Variants in TRA2B observed in about 807,000 individuals in gnomAD.
TRA2B encodes transformer-2 protein homolog beta.
TRA2B carries 14 observed loss-of-function variants against 41.7 expected under a neutral mutation model. The ratio of observed to expected loss-of-function variants is 0.34; its 90% CI spans 0.22 to 0.53. The LOEUF is 0.53. Among genes scored for constraint, TRA2B ranks in the 20% least tolerant of loss-of-function variants. The pLI is 0.95. For synonymous variants in TRA2B, 130 were observed against 128.8 expected, an observed-to-expected ratio of 1.01 and a Z score of -0.06; for missense variants, 167 against 396.8, an observed-to-expected ratio of 0.42 and a Z score of 4.92.
In TRA2B at chr3:185,937,916, G is replaced by T; in HGVS notation, c.-56C>A. The T allele has an allele frequency of 6.2e-7, 1 of 1,608,678 alleles. No homozygotes were observed. On this transcript the variant is annotated 5_prime_UTR_variant, in exon 1 of 9. Transcript: ENST00000453386. Reference sequence around the variant, plus strand: ...CTTCAATCGAAGCTGCCAACCTCTTGCACCTTCCTTAAGGAGGCTCCGCCG... The same window carrying T: ...CTTCAATCGAAGCTGCCAACCTCTTTCACCTTCCTTAAGGAGGCTCCGCCG...
intron 7 of TRA2B, among the ~76,000 whole-genome samples, chr3:185,919,163 CATA>C (rs1297974440): frequency 1.1e-4 from 16 of 143,904 alleles, no homozygotes; most frequent in Admixed American, 8.3e-4. Flanking sequence ...AATACAAGAA[CATA>C]ATGACAAAAA....
At chr3:185,930,286 TCA>T (rs1250827794) in intron 1 of TRA2B, among the ~76,000 whole-genome samples, 4 of 152,202 alleles carry the variant, frequency 2.6e-5, no homozygotes, top group Non-Finnish European at 5.9e-5. Context: ...CACATTTACC[TCA>T]GTTTCCTGCC....
chr3:185,915,566 T>A lies in TRA2B; in HGVS notation c.*2149A>T, dbSNP rs1021298689. On this transcript the variant is annotated 3_prime_UTR_variant, in exon 9 of 9. Coordinates refer to ENST00000453386, the MANE Select transcript of TRA2B (RefSeq NM_004593.3). ...TTGTCTCACTACTTCTCAGTCTATC[T>A]CAACTTGGTAAAATTCCAAATTTTC... 3.3e-5 allele frequency among the ~76,000 whole-genome samples: 5 copies of A among 152,312 alleles called. 1 individual carries two copies. The South Asian group carries it at 1.0e-3, about 32-fold the overall frequency.
At chr3:185,935,347 G>A (rs1744307224) in intron 1 of TRA2B, 2 of 985,106 alleles carry the variant, frequency 2.0e-6, no homozygotes, top group Non-Finnish European at 2.4e-6. Context: ...CTTTGAGAGG[G>A]GGGAAAAAAT....
At chr3:185,936,517 C>A in intron 1 of TRA2B, 2 of 985,410 alleles carry the variant, frequency 2.0e-6, no homozygotes, top group Non-Finnish European at 2.4e-6. Context: ...AGGAAACTCA[C>A]GCTTCATCAC....
intron 1 of TRA2B, chr3:185,937,144 A>G: frequency 1.0e-6 from 1 of 985,508 alleles, no homozygotes; most frequent in South Asian, 4.7e-5. Context: ...TCGGCATCAG[A>G]GAAAAGCGCT....
In TRA2B at chr3:185,915,257, A is replaced by G. The variant is rs1429487663; in HGVS notation, c.*2458T>C. Among the ~76,000 whole-genome samples the G allele has an allele frequency of 2.0e-5, 3 of 152,242 alleles. No individual in the cohort carries two copies. The highest frequency in any genetic ancestry group is 1.9e-4 in the East Asian group (1 of 5,198). On this transcript the variant is annotated 3_prime_UTR_variant, in exon 9 of 9. Coordinates refer to ENST00000453386, the MANE Select transcript of TRA2B (RefSeq NM_004593.3). ...GAGAAGTTTCACAAAAGCCTAGTAT[A>G]AAACTATTTAACTTAGCAATCTTCC...
At chr3:185,929,624 C>A (rs867376756) in intron 1 of TRA2B, among the ~76,000 whole-genome samples, 3 of 152,172 alleles carry the variant, frequency 2.0e-5, no homozygotes, top group Admixed American at 6.5e-5. Flanking sequence ...ACACACTTAG[C>A]CTTCCAACAA....
intron 4 of TRA2B, 89 bp from the exon 5 acceptor site, chr3:185,922,215 A>G (rs1743769083): frequency 1.2e-6 from 1 of 834,576 alleles, no homozygotes; most frequent in African/African-American, 1.7e-5. Flanking sequence ...TGGACATTTC[A>G]GTTAGGTGCA....
chr3:185,921,794 A>G (rs1310918429), intron 5 of TRA2B, among the ~76,000 whole-genome samples: 2 of 152,078 alleles, frequency 1.3e-5, no homozygotes, highest in Non-Finnish European at 2.9e-5. Flanking sequence ...CCAAACAACA[A>G]CAAACAAAAA....
chr3:185,919,405 T>C (rs759867646), intron 7 of TRA2B, 32 bp downstream of exon 7: 118 of 1,593,854 alleles, frequency 7.4e-5, no homozygotes, highest in Non-Finnish European at 8.8e-5. Context: ...CTTTATACTG[T>C]TGTACAGATG....
At chr3:185,929,617 C>T (rs539396957) in intron 1 of TRA2B, among the ~76,000 whole-genome samples, 1 of 152,264 alleles carries the variant, frequency 6.6e-6, no homozygotes, top group African/African-American at 2.4e-5. Flanking sequence ...AAATACAACA[C>T]ACTTAGCCTT....
At chr3:185,926,844 G>C in intron 1 of TRA2B, 110 bp from the exon 2 acceptor site, 1 of 1,339,990 alleles carries the variant, frequency 7.5e-7, no homozygotes, top group Non-Finnish European at 1.0e-6. Context: ...TCCAAGATAA[G>C]AAAATATAGG....
Position 185,929,894 on chromosome 3 carries a change from A to C in TRA2B, c.37-3160T>G, listed in dbSNP as rs564787847. Among the ~76,000 whole-genome samples, 11 of 152,212 alleles carry C rather than the reference A, an allele frequency of 7.2e-5. No homozygotes were observed. The East Asian group carries it at 7.7e-4, about 11-fold the overall frequency. On this transcript the variant is annotated intron_variant, in intron 1 of 8. Transcript: ENST00000453386. ...TTGGCAAAGGTTATCTTCCTGAAAC[A>C]CTGTCATCCCCTTCCTTGTTTTGAC...
chr3:185,924,036 G>C, intron 3 of TRA2B, 52 bp from the exon 4 acceptor site: 1 of 1,538,706 alleles, frequency 6.5e-7, no homozygotes, highest in Non-Finnish European at 8.7e-7. Flanking sequence ...TAAAATCAAA[G>C]TTGTTTAAAA....
In TRA2B at chr3:185,935,690, A is replaced by G. The variant is rs969107187; in HGVS notation, c.36+2135T>C. The G allele has an allele frequency of 1.2e-4, 123 of 985,460 alleles. No individual in the cohort carries two copies. The African/African-American group carries it at 2.0e-3, about 16-fold the overall frequency. 61.0% of individuals were successfully genotyped at this position (985,460 alleles called of 1,614,324 possible). A position where few individuals can be genotyped will look rare whatever the true frequency, so the allele number is the denominator to read the frequency against. On this transcript the variant is annotated intron_variant, in intron 1 of 8. Coordinates refer to ENST00000453386, the MANE Select transcript of TRA2B (RefSeq NM_004593.3). ...GAGAAGCATCATTTACACCACAGGC[A>G]TGTCTAAGATCAAGCTGTTCCATTG... is the stretch of plus-strand genomic sequence containing the variant.
intron 1 of TRA2B, among the ~76,000 whole-genome samples, chr3:185,932,692 G>A (rs1285030660): frequency 1.3e-5 from 2 of 152,108 alleles, no homozygotes; most frequent in Non-Finnish European, 2.9e-5. Context: ...TAATTAAAAA[G>A]ATTGAATTTA....
intron 1 of TRA2B, chr3:185,934,963 A>T: frequency 1.0e-6 from 1 of 985,374 alleles, no homozygotes; most frequent in Non-Finnish European, 1.2e-6. Flanking sequence ...TAGTTTCTGG[A>T]TTCCTTTAGT....
chr3:185,937,026 T>G (rs937612786), intron 1 of TRA2B: 15 of 985,284 alleles, frequency 1.5e-5, no homozygotes, highest in Non-Finnish European at 1.8e-5. Flanking sequence ...TGCCCGCCAA[T>G]TTCTCCTTCA....
Sources: allele counts gnomAD v4.1 joint callset (sites outside exome capture counted in the v4.1 genomes callset), GRCh38; gene constraint gnomAD v4.1.1; transcripts MANE v1.5; gene names NCBI Gene and HGNC (gene_info 2026-07-23, HGNC 2026-07-21).